Variants in SDK1 observed in about 807,000 individuals in gnomAD.
The protein encoded by SDK1 is sidekick cell adhesion molecule 1, also known as protein sidekick-1.
In SDK1, 157 loss-of-function variants were observed where a neutral mutation model predicts 245.5. The ratio of observed to expected loss-of-function variants is 0.64; its 90% CI spans 0.56 to 0.73. The LOEUF (loss-of-function observed/expected upper bound fraction) is 0.73. Ranked by LOEUF, SDK1 falls within the 30% of genes least tolerant of loss-of-function variation. The probability of loss-of-function intolerance (pLI) is 0.00; values close to 1 mark genes in which losing one functional copy is unlikely to be tolerated. For synonymous variants in SDK1, 1,647 were observed against 1,278.5 expected, an observed-to-expected ratio of 1.29 and a Z score of -6.15; for missense variants, 3,583 against 3,002.3, an observed-to-expected ratio of 1.19 and a Z score of -4.52.
At chr7:3,591,127 T>C (rs1780860092) in intron 1 of SDK1, among the ~76,000 whole-genome samples, 1 of 152,198 alleles carries the variant, frequency 6.6e-6, no homozygotes, top group South Asian at 2.1e-4. Context: ...CATTTTAACT[T>C]TAAGGTTGTG....
intron 35 of SDK1, among the ~76,000 whole-genome samples, chr7:4,182,810 T>G (rs1303469922): frequency 2.6e-5 from 4 of 152,136 alleles, no homozygotes; most frequent in Non-Finnish European, 5.9e-5. Flanking sequence ...GAGGCCACTT[T>G]AGGGCCCTGG....
intron 4 of SDK1, among the ~76,000 whole-genome samples, chr7:3,690,332 A>C (rs997210092): frequency 2.0e-5 from 3 of 152,168 alleles, no homozygotes; most frequent in African/African-American, 7.2e-5. Context: ...TGTAACTAGA[A>C]ATTTTTTTCC....
chr7:3,936,987 G>C (rs1449916723), intron 5 of SDK1, among the ~76,000 whole-genome samples: 1 of 152,186 alleles, frequency 6.6e-6, no homozygotes, highest in African/African-American at 2.4e-5. Flanking sequence ...TTGGAACTCG[G>C]AGAGGCTGTG....
intron 22 of SDK1, among the ~76,000 whole-genome samples, chr7:4,082,483 T>C (rs62439624): frequency 0.38 from 55,909 of 148,990 alleles, 14,534 homozygotes; most frequent in African/African-American, 0.75. Context: ...TGCAGTGAGC[T>C]GAGATCATGC....
intron 1 of SDK1, among the ~76,000 whole-genome samples, chr7:3,486,334 T>A (rs1477993832): frequency 6.6e-6 from 1 of 152,096 alleles, no homozygotes; most frequent in African/African-American, 2.4e-5. Context: ...TTGGCAAAAC[T>A]TAGCCAGTTT....
intron 1 of SDK1, among the ~76,000 whole-genome samples, chr7:3,339,895 A>T (rs1479595688): frequency 1.3e-5 from 2 of 152,060 alleles, no homozygotes; most frequent in Non-Finnish European, 2.9e-5. Context: ...GAAAAAGAAA[A>T]ATCATAAAAA....
intron 5 of SDK1, among the ~76,000 whole-genome samples, chr7:3,886,687 AG>A (rs1781346838): frequency 6.6e-6 from 1 of 152,218 alleles, no homozygotes; most frequent in Admixed American, 6.5e-5. Flanking sequence ...GGCTGGGGCA[AG>A]AGGATTACTT....
chr7:4,065,137 C>A (rs78417387), intron 19 of SDK1, among the ~76,000 whole-genome samples: 7,492 of 152,216 alleles, frequency 0.049, 324 homozygotes, highest in African/African-American at 0.11. Context: ...GGCCGTTACA[C>A]AGTCAGTGCC....
intron 1 of SDK1, among the ~76,000 whole-genome samples, chr7:3,520,284 C>A (rs1013357747): frequency 1.3e-5 from 2 of 152,178 alleles, no homozygotes; most frequent in African/African-American, 2.4e-5. Flanking sequence ...TGGATAAATT[C>A]TGTCCGGTTT....
chr7:3,526,576 A>G (rs892424534), intron 1 of SDK1, among the ~76,000 whole-genome samples: 1 of 151,968 alleles, frequency 6.6e-6, no homozygotes, highest in African/African-American at 2.4e-5. Context: ...ATTTTTAGTT[A>G]TGTTTTTTCT....
At chr7:4,129,726 A>C in intron 26 of SDK1, 182 bp from the exon 27 acceptor site, 1 of 1,423,484 alleles carries the variant, frequency 7.0e-7, no homozygotes, top group Non-Finnish European at 9.2e-7. Flanking sequence ...TCACTTTACA[A>C]CCACCTTCCT....
chr7:4,051,773 A>C lies in SDK1; in HGVS notation c.2854A>C (p.Thr952Pro). Residue 952 changes from threonine to proline, a missense_variant, in exon 19 of 45, where the codon ACC becomes CCC. Thr to Pro is a conservative substitution (Grantham distance 38). Transcript: ENST00000404826. ...TAYFTSVLCF[T>P]TPGDGPPSTP... is the part of the protein sequence containing the mutation. ...CTACTTCACTTCCGTTCTGTGCTTC[A>C]CCACCCCTGGGGACGGGCCTCCCAG... 6.2e-7 allele frequency: 1 copy of C among 1,613,820 alleles called. No individual in the cohort carries two copies. Among genetic ancestry groups the C allele is most frequent in the Admixed American group, 1.7e-5 (1 of 59,962 alleles).
At chr7:3,444,173 GT>G (rs1186490360) in intron 1 of SDK1, among the ~76,000 whole-genome samples, 6 of 152,268 alleles carry the variant, frequency 3.9e-5, no homozygotes, top group Middle Eastern at 3.4e-3. Flanking sequence ...AGACAGAGAT[GT>G]TTGCTACCTC....
intron 14 of SDK1, among the ~76,000 whole-genome samples, chr7:4,005,501 C>T (rs1383485680): frequency 6.6e-6 from 1 of 151,464 alleles, no homozygotes; most frequent in African/African-American, 2.4e-5. Flanking sequence ...ATGACACCAG[C>T]TGCCCCGCTT....
chr7:3,868,080 C>G (rs763247594), intron 5 of SDK1, among the ~76,000 whole-genome samples: 3 of 152,162 alleles, frequency 2.0e-5, no homozygotes, highest in Non-Finnish European at 2.9e-5. Context: ...TGGCTGCCAT[C>G]ATGAAGGACT....
intron 4 of SDK1, among the ~76,000 whole-genome samples, chr7:3,788,615 T>G (rs1583414485): frequency 6.6e-6 from 1 of 152,114 alleles, no homozygotes; most frequent in East Asian, 1.9e-4. Context: ...GAAAAAGAAT[T>G]GTCTTGGGCC....
intron 1 of SDK1, among the ~76,000 whole-genome samples, chr7:3,399,109 G>A (rs559811061): frequency 1.4e-4 from 21 of 151,910 alleles, no homozygotes; most frequent in African/African-American, 4.6e-4. Context: ...ATGCACTTGG[G>A]GATGTCCCAG....
chr7:3,768,864 C>T (rs931749560), intron 4 of SDK1, among the ~76,000 whole-genome samples: 2 of 152,200 alleles, frequency 1.3e-5, no homozygotes, highest in African/African-American at 4.8e-5. Flanking sequence ...CTTCCCCACT[C>T]CTTTAGATCC....
intron 1 of SDK1, among the ~76,000 whole-genome samples, chr7:3,506,989 G>A (rs77798192): frequency 0.026 from 4,001 of 151,910 alleles, 79 homozygotes; most frequent in Non-Finnish European, 0.038. Flanking sequence ...TTTTATTTTT[G>A]TGGGAAGCTA....
Sources: gnomAD v4.1 joint callset for allele counts (sites outside exome capture counted in the v4.1 genomes callset) on GRCh38, gnomAD v4.1.1 for gene constraint, MANE v1.5 for transcripts, NCBI Gene and HGNC (gene_info 2026-07-23, HGNC 2026-07-21) for gene names.